Variants in WDR49 observed in about 807,000 individuals in gnomAD.
WDR49 encodes cilia- and flagella-associated protein 337.
A neutral mutation model predicts 119.5 loss-of-function variants in WDR49; 107 were observed. The observed-to-expected ratio is 0.90, with a 90% CI of 0.77 to 1.05. WDR49 has a LOEUF of 1.05. Ranked by LOEUF, WDR49 falls within the 50% of genes least tolerant of loss-of-function variation. The pLI is 0.00. For missense variants in WDR49, 1,240 were observed against 1,220.5 expected, an observed-to-expected ratio of 1.02 and a Z score of -0.24; for synonymous variants, 425 against 418.8, an observed-to-expected ratio of 1.01 and a Z score of -0.18.
chr3:167,599,565 A>G (rs1048334441), intron 7 of WDR49, among the ~76,000 whole-genome samples: 9 of 152,282 alleles, frequency 5.9e-5, no homozygotes, highest in Non-Finnish European at 1.0e-4. Flanking sequence ...TTGGTGCTCT[A>G]TCTCACTATG....
intron 8 of WDR49, among the ~76,000 whole-genome samples, chr3:167,575,560 G>C (rs1714203795): frequency 1.3e-5 from 2 of 152,146 alleles, no homozygotes; most frequent in African/African-American, 4.8e-5. Flanking sequence ...CTTTCCACAG[G>C]GATACCGGAA....
intron 2 of WDR49, among the ~76,000 whole-genome samples, chr3:167,645,622 C>T (rs1471548456): frequency 6.6e-6 from 1 of 152,142 alleles, no homozygotes; most frequent in African/African-American, 2.4e-5. Context: ...TCTCCTTCTA[C>T]TTCTGGAAAA....
chr3:167,602,569 A>C (rs1308490721), intron 6 of WDR49, among the ~76,000 whole-genome samples: 1 of 151,982 alleles, frequency 6.6e-6, no homozygotes, highest in Non-Finnish European at 1.5e-5. Context: ...CAACAGCCTA[A>C]CCAGGAGGGG....
chr3:167,513,196 C>T (rs1278550014), intron 16 of WDR49, among the ~76,000 whole-genome samples: 1 of 151,994 alleles, frequency 6.6e-6, no homozygotes, highest in East Asian at 1.9e-4. Flanking sequence ...TAAAGGGCAG[C>T]CAGAGAGAAA....
upstream of WDR49, among the ~76,000 whole-genome samples, chr3:167,654,422 G>T (rs948313513): frequency 6.6e-6 from 1 of 152,058 alleles, no homozygotes; most frequent in African/African-American, 2.4e-5. Flanking sequence ...TGATAAAATT[G>T]CTTGCAGTGT....
At chr3:167,559,784 T>C (rs1413969635) in intron 9 of WDR49, among the ~76,000 whole-genome samples, 1 of 152,170 alleles carries the variant, frequency 6.6e-6, no homozygotes, top group Non-Finnish European at 1.5e-5. Flanking sequence ...AAGTAGTCCC[T>C]ATTGACTACA....
rs1714235832 is a variant in WDR49 at position 167,576,055 on chromosome 3, CA to C, written c.1371del (p.Phe457LeufsTer16). The C allele has an allele frequency of 6.2e-7, 1 of 1,614,140 alleles. No homozygotes were observed. The highest frequency in any genetic ancestry group is 8.5e-7 in the Non-Finnish European group (1 of 1,180,008). Reference protein sequence around the residue: ...KSQDFRCLFHFDEAHGRLFIS... With the variant: ...KSQDFRCLFHXDEAHGRLFIS... ...ATGAAAAGTCGTCCATGGGCTTCAT[CA>C]AAGTGGAAGAGACATCTGAAGTCCT... On this transcript the variant is annotated frameshift_variant, in exon 8 of 19. Transcript: ENST00000682715. LOFTEE classifies it high-confidence loss of function.
chr3:167,611,824 A>G (rs1716353278), intron 5 of WDR49, among the ~76,000 whole-genome samples: 1 of 152,248 alleles, frequency 6.6e-6, no homozygotes, highest in Admixed American at 6.5e-5. Context: ...CCATGGGAGC[A>G]CTTTGATACA....
chr3:167,503,430 G>C (rs1751651679), intron 17 of WDR49, among the ~76,000 whole-genome samples: 1 of 152,196 alleles, frequency 6.6e-6, no homozygotes, highest in Non-Finnish European at 1.5e-5. Flanking sequence ...TAAGCCTCTT[G>C]TTGTCTGACC....
intron 7 of WDR49, among the ~76,000 whole-genome samples, 192 bp downstream of exon 7, chr3:167,601,935 C>A (rs1329774832): frequency 6.6e-6 from 1 of 152,172 alleles, no homozygotes; most frequent in South Asian, 2.1e-4. Context: ...ACTTTGCCCA[C>A]TTGTCTAGGA....
chr3:167,600,180 G>A (rs773300247), intron 7 of WDR49, among the ~76,000 whole-genome samples: 4 of 151,994 alleles, frequency 2.6e-5, no homozygotes, highest in South Asian at 2.1e-4. Flanking sequence ...GGTCTCTTTC[G>A]AAGTTGTGAA....
chr3:167,512,107 T>C (rs1466333869), intron 16 of WDR49, among the ~76,000 whole-genome samples: 2 of 152,114 alleles, frequency 1.3e-5, no homozygotes, highest in African/African-American at 2.4e-5. Flanking sequence ...AAGGGACAGA[T>C]AGAGTGCTTC....
At chr3:167,517,028 C>G (rs1027186969) in intron 16 of WDR49, among the ~76,000 whole-genome samples, 1 of 152,282 alleles carries the variant, frequency 6.6e-6, no homozygotes, top group African/African-American at 2.4e-5. Context: ...TACCATCTCA[C>G]ACTAGTTAGA....
chr3:167,503,117 C>T (rs962999301), intron 17 of WDR49, among the ~76,000 whole-genome samples: 4 of 152,190 alleles, frequency 2.6e-5, no homozygotes, highest in Non-Finnish European at 5.9e-5. Flanking sequence ...CAAAGGGCCC[C>T]AGATACAACT....
At chr3:167,532,798 T>C (rs529642728) in intron 12 of WDR49, 81 bp downstream of exon 12, 1 of 891,712 alleles carries the variant, frequency 1.1e-6, no homozygotes, top group South Asian at 1.7e-5. Flanking sequence ...TAGGATCAAG[T>C]CGCATCAGGC....
chr3:167,516,661 T>C (rs1274777622), intron 16 of WDR49, among the ~76,000 whole-genome samples: 1 of 152,106 alleles, frequency 6.6e-6, no homozygotes, highest in African/African-American at 2.4e-5. Flanking sequence ...TCTAGATCCC[T>C]GAGGAATCGC....
At chr3:167,651,113 A>G (rs1428467231) in intron 2 of WDR49, among the ~76,000 whole-genome samples, 1 of 152,204 alleles carries the variant, frequency 6.6e-6, no homozygotes, top group Non-Finnish European at 1.5e-5. Context: ...CACGTAAAAC[A>G]TTTACTGCAT....
chr3:167,483,491 TTTC>T, intron 18 of WDR49, among the ~76,000 whole-genome samples: 1 of 152,328 alleles, frequency 6.6e-6, no homozygotes, highest in South Asian at 2.1e-4. Flanking sequence ...TTTAATTTTT[TTTC>T]TTTTTAGTTA....
chr3:167,627,579 A>C (rs1055826239), intron 2 of WDR49, among the ~76,000 whole-genome samples: 2 of 152,034 alleles, frequency 1.3e-5, no homozygotes, highest in South Asian at 2.1e-4. Context: ...GCATGGAATG[A>C]TGTGAGGCTG....
Sources: allele counts gnomAD v4.1 joint callset (sites outside exome capture counted in the v4.1 genomes callset), GRCh38; gene constraint gnomAD v4.1.1; transcripts MANE v1.5; gene names NCBI Gene and HGNC (gene_info 2026-07-23, HGNC 2026-07-21).